The following GLRA3 variants were observed in gnomAD, a reference collection of about 807,000 sequenced individuals.
GLRA3 encodes the protein glycine receptor alpha 3.
In GLRA3, 44 loss-of-function variants were observed where a neutral mutation model predicts 60.4. That is an observed-to-expected ratio of 0.73 (90% CI 0.57 to 0.94). The LOEUF is 0.94. Among genes scored for constraint, GLRA3 ranks in the 40% least tolerant of loss-of-function variants. The pLI is 0.00. For missense variants in GLRA3, 508 were observed against 564.6 expected, an observed-to-expected ratio of 0.90 and a Z score of 1.02; for synonymous variants, 223 against 192.9, an observed-to-expected ratio of 1.16 and a Z score of -1.29.
intron 3 of GLRA3, among the ~76,000 whole-genome samples, chr4:174,738,716 T>C (rs1736893883): frequency 6.6e-6 from 1 of 152,186 alleles, no homozygotes; most frequent in Non-Finnish European, 1.5e-5. Flanking sequence ...TATACTCGAA[T>C]ACTTTCATGA....
chr4:174,825,407 T>C (rs866669864), intron 1 of GLRA3, among the ~76,000 whole-genome samples: 40 of 152,144 alleles, frequency 2.6e-4, no homozygotes, highest in African/African-American at 9.4e-4. Context: ...TTTTTTATTA[T>C]TATGACATCT....
chr4:174,730,984 A>T (rs2111140221), intron 3 of GLRA3, among the ~76,000 whole-genome samples: 1 of 152,260 alleles, frequency 6.6e-6, no homozygotes, highest in South Asian at 2.1e-4. Flanking sequence ...AAAAGAATAA[A>T]TTTTTGACAT....
At chr4:174,666,902 C>T (rs915121945) in intron 7 of GLRA3, among the ~76,000 whole-genome samples, 6 of 151,660 alleles carry the variant, frequency 4.0e-5, no homozygotes, top group Admixed American at 1.3e-4. Context: ...GTATCTACCC[C>T]TCCAGTGACA....
At chr4:174,824,254 T>A (rs1390635019) in intron 1 of GLRA3, among the ~76,000 whole-genome samples, 1 of 152,194 alleles carries the variant, frequency 6.6e-6, no homozygotes, top group Non-Finnish European at 1.5e-5. Context: ...TCTCACATGG[T>A]TTCCAACTTC....
intron 7 of GLRA3, among the ~76,000 whole-genome samples, chr4:174,665,374 G>C (rs901632986): frequency 6.6e-6 from 1 of 151,206 alleles, no homozygotes; most frequent in African/African-American, 2.4e-5. Flanking sequence ...CCAGAATAAC[G>C]CATCTCAGCA....
chr4:174,751,282 C>T (rs1729170576), intron 3 of GLRA3, among the ~76,000 whole-genome samples: 1 of 151,898 alleles, frequency 6.6e-6, no homozygotes, highest in South Asian at 2.1e-4. Context: ...GAATGAACTC[C>T]ATGTAAATAT....
intron 3 of GLRA3, among the ~76,000 whole-genome samples, chr4:174,737,306 C>T (rs1248038272): frequency 7.9e-5 from 12 of 152,098 alleles, no homozygotes; most frequent in Admixed American, 7.2e-4. Context: ...TCACACTTCC[C>T]TTCACAGTTT....
At chr4:174,753,916 G>A (rs1737582171) in intron 3 of GLRA3, among the ~76,000 whole-genome samples, 1 of 152,014 alleles carries the variant, frequency 6.6e-6, no homozygotes, top group South Asian at 2.1e-4. Context: ...TGATAAAGGA[G>A]ATAGCTTATA....
At chr4:174,681,943 C>T (rs950799192) in intron 6 of GLRA3, among the ~76,000 whole-genome samples, 12 of 151,950 alleles carry the variant, frequency 7.9e-5, no homozygotes, top group African/African-American at 2.7e-4. Flanking sequence ...CTTTTTGATC[C>T]GATATTGTGA....
chr4:174,703,664 T>C (rs1735407539), intron 5 of GLRA3, among the ~76,000 whole-genome samples: 1 of 152,204 alleles, frequency 6.6e-6, no homozygotes, highest in Non-Finnish European at 1.5e-5. Context: ...TTAAAGAATT[T>C]ATGGAATCCT....
intron 3 of GLRA3, among the ~76,000 whole-genome samples, chr4:174,751,609 C>T (rs1737486874): frequency 6.6e-6 from 1 of 152,130 alleles, no homozygotes; most frequent in Non-Finnish European, 1.5e-5. Context: ...GAATCCCTTC[C>T]TCGTCAGAAT....
intron 9 of GLRA3, among the ~76,000 whole-genome samples, chr4:174,645,420 CAAA>C (rs201216075): frequency 3.9e-5 from 3 of 76,126 alleles, no homozygotes; most frequent in Non-Finnish European, 5.9e-5. Flanking sequence ...ACTCCGTCTC[CAAA>C]AAAAAAAAAA....
intron 4 of GLRA3, among the ~76,000 whole-genome samples, chr4:174,720,823 TA>T (rs1736101055): frequency 6.6e-6 from 1 of 152,066 alleles, no homozygotes; most frequent in Non-Finnish European, 1.5e-5. Context: ...TTATAAGAAT[TA>T]ATAGACAATT....
intron 3 of GLRA3, among the ~76,000 whole-genome samples, chr4:174,753,789 A>G (rs1737576702): frequency 6.6e-6 from 1 of 152,196 alleles, no homozygotes; most frequent in Non-Finnish European, 1.5e-5. Context: ...TATCTTTGCC[A>G]TTACATTTAA....
intron 5 of GLRA3, among the ~76,000 whole-genome samples, chr4:174,703,140 CTTCTGAGAGCTCAGAAA>C (rs1291170725): frequency 3.9e-5 from 6 of 152,214 alleles, no homozygotes; most frequent in African/African-American, 1.4e-4. Flanking sequence ...CTACTTGGAA[CTTCTGAGAGCTCAGAAA>C]TTTGATTTGG....
chr4:174,808,780 C>CA lies in GLRA3; in HGVS notation c.72-19838dup, dbSNP rs537806207. On this transcript the variant is annotated intron_variant, in intron 1 of 9. Coordinates refer to ENST00000274093, the MANE Select transcript of GLRA3 (RefSeq NM_006529.4). ...TGTGTGCTTGTGTCTTAGTTTTTAACAAAAAAAAAATTTAAATGTGAAAAA... is the reference window on the plus strand; with the variant it reads ...TGTGTGCTTGTGTCTTAGTTTTTAACAAAAAAAAAAATTTAAATGTGAAAAA... 3.6e-3 allele frequency among the ~76,000 whole-genome samples: 519 copies of CA among 142,404 alleles called. 6 individuals carry two copies. The highest frequency in any genetic ancestry group is 3.6e-3 in the Middle Eastern group (1 of 274). The allele number at this position is 142,404 out of a possible 152,430, so 93.4% of individuals were successfully genotyped here.
intron 5 of GLRA3, among the ~76,000 whole-genome samples, chr4:174,691,544 G>A (rs578021815): frequency 0.011 from 1,682 of 152,260 alleles, 29 homozygotes; most frequent in African/African-American, 0.038. Context: ...CGCGCGCGCC[G>A]CCACGCCTGA....
At chr4:174,751,975 T>C (rs773325874) in intron 3 of GLRA3, among the ~76,000 whole-genome samples, 37 of 152,120 alleles carry the variant, frequency 2.4e-4, no homozygotes, top group Non-Finnish European at 5.3e-4. Flanking sequence ...TGAGAAACAC[T>C]GCTTTAGGAG....
At chr4:174,659,235 T>C in intron 7 of GLRA3, 38 bp from the exon 8 acceptor site, 5 of 1,529,058 alleles carry the variant, frequency 3.3e-6, no homozygotes, top group Non-Finnish European at 3.6e-6. Context: ...CAAATTCACT[T>C]ATATTGTTAC....
Sources: allele counts gnomAD v4.1 joint callset (sites outside exome capture counted in the v4.1 genomes callset), GRCh38; gene constraint gnomAD v4.1.1; transcripts MANE v1.5; gene names NCBI Gene and HGNC (gene_info 2026-07-23, HGNC 2026-07-21).